The following CNTNAP2 variants were observed in gnomAD, a reference collection of about 807,000 sequenced individuals.
CNTNAP2 encodes contactin-associated protein-like 2.
A neutral mutation model predicts 155.2 loss-of-function variants in CNTNAP2; 98 were observed. The observed-to-expected ratio is 0.63, with a 90% confidence interval of 0.54 to 0.75. CNTNAP2 has a LOEUF of 0.75. Ranked by LOEUF, CNTNAP2 falls within the 30% of genes least tolerant of loss-of-function variation. The pLI, the probability that CNTNAP2 is intolerant of heterozygous loss-of-function variation, is 0.00. For missense variants in CNTNAP2, 1,727 were observed against 1,688.1 expected, an observed-to-expected ratio of 1.02 and a Z score of -0.40; for synonymous variants, 651 against 631.2, an observed-to-expected ratio of 1.03 and a Z score of -0.47.
At chr7:147,072,697 T>C (rs535732935) in intron 4 of CNTNAP2, among the ~76,000 whole-genome samples, 1 of 152,268 alleles carries the variant, frequency 6.6e-6, no homozygotes, top group Non-Finnish European at 1.5e-5. Context: ...TGTGTCAGTC[T>C]GGTTTTACCT....
chr7:146,154,310 TG>T (rs1307041763), intron 1 of CNTNAP2, among the ~76,000 whole-genome samples: 1 of 152,224 alleles, frequency 6.6e-6, no homozygotes, highest in Non-Finnish European at 1.5e-5. Flanking sequence ...TTTTAATTTT[TG>T]GTTGTTTTTC....
At chr7:146,842,754 C>T (rs940465859) in intron 3 of CNTNAP2, among the ~76,000 whole-genome samples, 9 of 151,798 alleles carry the variant, frequency 5.9e-5, no homozygotes, top group South Asian at 2.1e-4. Flanking sequence ...GACGCGATCT[C>T]GGCTCACTGC....
At chr7:146,966,032 C>A (rs2129231759) in intron 3 of CNTNAP2, among the ~76,000 whole-genome samples, 1 of 152,324 alleles carries the variant, frequency 6.6e-6, no homozygotes, top group South Asian at 2.1e-4. Flanking sequence ...ACCTTTGTGG[C>A]TGGACACCAC....
intron 13 of CNTNAP2, among the ~76,000 whole-genome samples, chr7:147,849,409 A>C (rs1469935751): frequency 6.6e-6 from 1 of 152,204 alleles, no homozygotes; most frequent in African/African-American, 2.4e-5. Context: ...CTGTTTCACT[A>C]CAACTATTCT....
At chr7:146,325,839 T>C (rs1008340922) in intron 1 of CNTNAP2, among the ~76,000 whole-genome samples, 66 of 152,172 alleles carry the variant, frequency 4.3e-4, no homozygotes, top group Admixed American at 4.3e-3. Flanking sequence ...TGGGTAATAA[T>C]AATTAACTTC....
At chr7:147,871,962 G>A (rs975881335) in intron 13 of CNTNAP2, among the ~76,000 whole-genome samples, 8 of 151,972 alleles carry the variant, frequency 5.3e-5, no homozygotes, top group East Asian at 1.9e-4. Context: ...TTTTTCGTAC[G>A]TGTTTTAACT....
intron 5 of CNTNAP2, among the ~76,000 whole-genome samples, chr7:147,113,827 G>C (rs1800932997): frequency 6.6e-6 from 1 of 152,128 alleles, no homozygotes; most frequent in African/African-American, 2.4e-5. Flanking sequence ...GTTTAGCTCT[G>C]ATCTTGGTTA....
At chr7:147,600,855 A>G (rs560390361) in intron 12 of CNTNAP2, among the ~76,000 whole-genome samples, 2 of 152,164 alleles carry the variant, frequency 1.3e-5, no homozygotes, top group African/African-American at 4.8e-5. Flanking sequence ...GATTACTGTA[A>G]TCATTTCCTA....
chr7:148,332,185 A>G (rs1378083156), intron 21 of CNTNAP2, among the ~76,000 whole-genome samples: 1 of 151,806 alleles, frequency 6.6e-6, no homozygotes, highest in Non-Finnish European at 1.5e-5. Flanking sequence ...AAAAAAACCT[A>G]TAAACATTTG....
chr7:146,886,098 A>G (rs1795652709), intron 3 of CNTNAP2, among the ~76,000 whole-genome samples: 1 of 151,942 alleles, frequency 6.6e-6, no homozygotes. Flanking sequence ...AAAAATTTGA[A>G]GGTTTATTCA....
chr7:147,896,005 G>A (rs1186165316), intron 13 of CNTNAP2, among the ~76,000 whole-genome samples: 2 of 152,142 alleles, frequency 1.3e-5, no homozygotes, highest in East Asian at 3.9e-4. Flanking sequence ...ATTTTCCTAG[G>A]AAAAAGAACA....
chr7:147,009,308 A>G (rs1798581863), intron 3 of CNTNAP2, among the ~76,000 whole-genome samples: 1 of 152,164 alleles, frequency 6.6e-6, no homozygotes, highest in South Asian at 2.1e-4. Flanking sequence ...CTTATAAAAC[A>G]TCAGATTTAT....
rs140881697 is a variant in CNTNAP2, at chr7:147,552,732, C to T, written c.1778-9406C>T. 6.8e-3 allele frequency among the ~76,000 whole-genome samples: 1,028 copies of T among 152,256 alleles called. 10 individuals are homozygous for T. Among genetic ancestry groups the T allele is most frequent in the African/African-American group, 0.022 (934 of 41,550 alleles). ...AATACGCCTTCTTCCTCCATAATAT[C>T]AGTAGAAACAATTCAGCACAATGTT... On this transcript the variant is annotated intron_variant, in intron 11 of 23. Coordinates refer to ENST00000361727, the MANE Select transcript of CNTNAP2 (RefSeq NM_014141.6).
chr7:146,147,886 T>C (rs979293310), intron 1 of CNTNAP2, among the ~76,000 whole-genome samples: 2 of 152,130 alleles, frequency 1.3e-5, no homozygotes, highest in Non-Finnish European at 2.9e-5. Flanking sequence ...AACCAGGCCA[T>C]TTTACGGAAA....
chr7:147,930,719 C>T (rs1400914299), intron 14 of CNTNAP2, among the ~76,000 whole-genome samples: 4 of 152,132 alleles, frequency 2.6e-5, no homozygotes, highest in African/African-American at 7.2e-5. Context: ...CACAGAACAT[C>T]CCACCCAACA....
At chr7:146,272,341 C>T (rs1226404735) in intron 1 of CNTNAP2, among the ~76,000 whole-genome samples, 7 of 152,086 alleles carry the variant, frequency 4.6e-5, no homozygotes, top group African/African-American at 7.2e-5. Flanking sequence ...CCCTGTCTCT[C>T]CAATGGCACG....
intron 10 of CNTNAP2, among the ~76,000 whole-genome samples, chr7:147,415,412 T>C (rs1343187816): frequency 6.6e-6 from 1 of 152,198 alleles, no homozygotes; most frequent in African/African-American, 2.4e-5. Context: ...TGGAGGTAAT[T>C]GAATCATGGG....
chr7:147,687,255 T>C (rs1796028052), intron 13 of CNTNAP2, among the ~76,000 whole-genome samples: 1 of 152,094 alleles, frequency 6.6e-6, no homozygotes, highest in Non-Finnish European at 1.5e-5. Context: ...GAGAATTAAA[T>C]TTCTGCAAGT....
chr7:146,340,082 T>C (rs1449391819), intron 1 of CNTNAP2, among the ~76,000 whole-genome samples: 1 of 141,650 alleles, frequency 7.1e-6, no homozygotes, highest in Non-Finnish European at 1.5e-5. Flanking sequence ...GGCAGGAGAA[T>C]GGCGTGAACC....
Sources: allele counts gnomAD v4.1 joint callset (sites outside exome capture counted in the v4.1 genomes callset), GRCh38; gene constraint gnomAD v4.1.1; transcripts MANE v1.5; gene names NCBI Gene and HGNC (gene_info 2026-07-23, HGNC 2026-07-21).